LYRM4: variants seen among roughly 807,000 people sequenced by gnomAD.
LYRM4 encodes LYR motif containing 4, also known as LYR motif-containing protein 4.
LYRM4 carries 9 observed loss-of-function variants against 11.7 expected under a neutral mutation model. The observed-to-expected ratio is 0.77, with a 90% CI of 0.46 to 1.34. The LOEUF is 1.34. Among genes scored for constraint, LYRM4 ranks in the 40% most tolerant of loss-of-function variants. The pLI, the probability that LYRM4 is intolerant of heterozygous loss-of-function variation, is 0.00. For synonymous variants in LYRM4, 42 were observed against 40.4 expected (o/e 1.04, Z -0.15); for missense variants, 133 against 112.5 (o/e 1.18, Z -0.82).
chr6:5,235,224 C>T (rs916503510), intron 1 of LYRM4, among the ~76,000 whole-genome samples: 1 of 152,134 alleles, frequency 6.6e-6, no homozygotes, highest in Non-Finnish European at 1.5e-5. Flanking sequence ...CTCATGGCAA[C>T]CTCCGGCTCC....
At chr6:5,050,746 G>T in the LYRM4 span, among the ~76,000 whole-genome samples, 1 of 152,066 alleles carries the variant, frequency 6.6e-6, no homozygotes, top group Non-Finnish European at 1.5e-5. Context: ...GAGTTACAGA[G>T]TTACATATTA....
rs1253928496 is a variant in LYRM4 at position 5,109,030 on chromosome 6, G to GA, written c.*392dup. The GA allele has an allele frequency of 4.9e-6, 5 of 1,010,696 alleles. No homozygotes were observed. Among genetic ancestry groups the GA allele is most frequent in the Admixed American group, 1.1e-4 (2 of 18,878 alleles). The allele number at this position is 1,010,696 out of a possible 1,614,324, so 62.6% of individuals were successfully genotyped here. A position where few individuals can be genotyped will look rare whatever the true frequency, so the allele number is the denominator to read the frequency against. The stretch of plus-strand genomic sequence containing the variant: ...TCCAGGCCTTGTATCAGTAGGAAAT[G>GA]AAAATGCATTAATTGGGAGGGGTTT... On this transcript the variant is annotated 3_prime_UTR_variant, in exon 3 of 3. Transcript: ENST00000330636.
chr6:5,260,566 C>T, intron 1 of LYRM4, 82 bp downstream of exon 1: 6 of 1,509,936 alleles, frequency 4.0e-6, no homozygotes, highest in Middle Eastern at 2.3e-4. Context: ...TCCCAGTCCC[C>T]GGGGATATTC....
rs1361424452 is a variant in LYRM4, at chr6:5,144,081, T to C, written c.208-34590A>G. 3 of 1,486,908 alleles carry C rather than the reference T, an allele frequency of 2.0e-6. No individual in the cohort carries two copies. In the East Asian group the frequency reaches 7.5e-5, roughly 37 times the overall value. The allele number at this position is 1,486,908 out of a possible 1,614,324, so 92.1% of individuals were successfully genotyped here. A position where few individuals can be genotyped will look rare whatever the true frequency, so the allele number is the denominator to read the frequency against. Reference sequence around the variant, plus strand: ...CTGCTTCATACTCCAGAAAAAGAAATGCTTAGAGAGGTGAGAGCGATCTGA... The same window carrying C: ...CTGCTTCATACTCCAGAAAAAGAAACGCTTAGAGAGGTGAGAGCGATCTGA... On this transcript the variant is annotated intron_variant, in intron 2 of 2. Coordinates refer to ENST00000330636, the MANE Select transcript of LYRM4 (RefSeq NM_020408.6).
intron 1 of LYRM4, among the ~76,000 whole-genome samples, chr6:5,241,917 C>T (rs1763904036): frequency 6.6e-6 from 1 of 152,106 alleles, no homozygotes; most frequent in Non-Finnish European, 1.5e-5. Flanking sequence ...TAGAGGCCTT[C>T]ATCTTCTTTA....
intron 2 of LYRM4, among the ~76,000 whole-genome samples, chr6:5,170,050 A>G (rs1175902891): frequency 6.6e-6 from 1 of 152,234 alleles, no homozygotes; most frequent in African/African-American, 2.4e-5. Context: ...TGGTTGTGAA[A>G]GCAGAATTTT....
At chr6:5,136,563 TATA>T in intron 2 of LYRM4, 1 of 973,320 alleles carries the variant, frequency 1.0e-6, no homozygotes, top group Non-Finnish European at 1.2e-6. Context: ...AGATGGTATT[TATA>T]ATGTCTTACT....
intron 2 of LYRM4, among the ~76,000 whole-genome samples, chr6:5,203,154 T>C (rs1761486914): frequency 6.6e-6 from 1 of 152,162 alleles, no homozygotes; most frequent in African/African-American, 2.4e-5. Context: ...CCCCCGGACT[T>C]TGGTAACTTG....
At chr6:5,213,742 T>C (rs1762105568) in intron 2 of LYRM4, among the ~76,000 whole-genome samples, 1 of 152,232 alleles carries the variant, frequency 6.6e-6, no homozygotes, top group South Asian at 2.1e-4. Context: ...CTGAGATGTA[T>C]GATCTCAGGG....
chr6:5,047,652 T>A, the LYRM4 span, among the ~76,000 whole-genome samples: 1 of 152,174 alleles, frequency 6.6e-6, no homozygotes, highest in Non-Finnish European at 1.5e-5. Context: ...AGCCTTAAAA[T>A]GTAACTAATA....
chr6:5,220,060 T>A (rs1400714580), intron 1 of LYRM4, among the ~76,000 whole-genome samples: 1 of 152,224 alleles, frequency 6.6e-6, no homozygotes, highest in African/African-American at 2.4e-5. Context: ...CCCATTTGGC[T>A]TTCCTTCTCC....
At chr6:5,077,233 A>C in the LYRM4 span, among the ~76,000 whole-genome samples, 2 of 152,240 alleles carry the variant, frequency 1.3e-5, no homozygotes, top group Non-Finnish European at 2.9e-5. Flanking sequence ...ATTACGGAAG[A>C]CATGGTCTCT....
intron 2 of LYRM4, among the ~76,000 whole-genome samples, chr6:5,120,569 T>C (rs1040171058): frequency 1.3e-5 from 2 of 152,220 alleles, no homozygotes; most frequent in African/African-American, 4.8e-5. Flanking sequence ...AGTGGGTTGC[T>C]GCTGCTGGCT....
chr6:5,069,355 A>G, the LYRM4 span, among the ~76,000 whole-genome samples: 1 of 145,540 alleles, frequency 6.9e-6, no homozygotes, highest in Non-Finnish European at 1.5e-5. Flanking sequence ...AGTAATAAAC[A>G]TCTACATGTT....
downstream of LYRM4, among the ~76,000 whole-genome samples, chr6:5,099,624 T>G (rs1254826107): frequency 1.3e-5 from 2 of 152,122 alleles, no homozygotes; most frequent in African/African-American, 4.8e-5. This position sits in a 1 kb window ranked among gnomAD's most constrained non-coding sequence, Gnocchi z 4.3. Flanking sequence ...TTTCTTTTGT[T>G]TTGAGATGGG....
chr6:5,068,782 TA>T, the LYRM4 span, among the ~76,000 whole-genome samples: 11,468 of 149,644 alleles, frequency 0.077, 471 homozygotes, highest in Middle Eastern at 0.13. The surrounding 1 kb of genome is among the most constrained non-coding windows in gnomAD (Gnocchi z 4.0). Flanking sequence ...TTAAAGTATT[TA>T]AAAAAAAAAG....
chr6:5,198,106 G>A (rs543631215), intron 2 of LYRM4, among the ~76,000 whole-genome samples: 7 of 152,310 alleles, frequency 4.6e-5, no homozygotes, highest in African/African-American at 1.4e-4. Context: ...GCTGAGGCAG[G>A]AGAATCGCTT....
At chr6:5,171,998 GT>G (rs1214808567) in intron 2 of LYRM4, among the ~76,000 whole-genome samples, 2 of 152,154 alleles carry the variant, frequency 1.3e-5, no homozygotes, top group Non-Finnish European at 2.9e-5. Flanking sequence ...GCAATAGAGG[GT>G]CATGGACAGG....
chr6:5,149,492 C>T, intron 2 of LYRM4, among the ~76,000 whole-genome samples: 1 of 152,086 alleles, frequency 6.6e-6, no homozygotes, highest in East Asian at 1.9e-4. Flanking sequence ...AACCTCTTTA[C>T]ATGTCTGCTT....
Sources: allele counts gnomAD v4.1 joint callset (sites outside exome capture counted in the v4.1 genomes callset), GRCh38; gene constraint gnomAD v4.1.1; non-coding constraint Gnocchi (gnomAD v3.1); transcripts MANE v1.5; gene names NCBI Gene and HGNC (gene_info 2026-07-23, HGNC 2026-07-21).